The following FARS2 variants were observed in gnomAD, a reference collection of about 807,000 sequenced individuals.
The protein encoded by FARS2 is phenylalanyl-tRNA synthetase 2, mitochondrial, also known as phenylalanine--tRNA ligase, mitochondrial.
In FARS2, 40 loss-of-function variants were observed where a neutral mutation model predicts 46.4. That is an observed-to-expected ratio of 0.86 (90% CI 0.67 to 1.12). The LOEUF (loss-of-function observed/expected upper bound fraction) is 1.12. Ranked by LOEUF, FARS2 falls within the 50% of genes most tolerant of loss-of-function variation. FARS2 has a pLI of 0.00. For missense variants in FARS2, 513 were observed against 567.9 expected, an observed-to-expected ratio of 0.90 and a Z score of 0.98; for synonymous variants, 234 against 214.9, an observed-to-expected ratio of 1.09 and a Z score of -0.78.
intron 1 of FARS2, among the ~76,000 whole-genome samples, chr6:5,279,251 C>T (rs1766549494): frequency 6.6e-6 from 1 of 151,520 alleles, no homozygotes; most frequent in Non-Finnish European, 1.5e-5. Flanking sequence ...GTGGCATGAG[C>T]TTGTAGTCTC....
At chr6:5,502,524 AT>A (rs1487260530) in intron 4 of FARS2, among the ~76,000 whole-genome samples, 3 of 152,370 alleles carry the variant, frequency 2.0e-5, no homozygotes, top group African/African-American at 7.2e-5. Flanking sequence ...ACCTGTCAAT[AT>A]TTACCATTCA....
At chr6:5,446,861 C>A (rs946904060) in intron 4 of FARS2, among the ~76,000 whole-genome samples, 2 of 152,204 alleles carry the variant, frequency 1.3e-5, no homozygotes, top group Middle Eastern at 3.4e-3. Context: ...GTGTCATGAC[C>A]AGCTGTTGGC....
rs35240833 is a variant in FARS2 at position 5,337,188 on chromosome 6, GTA to G, written c.-21-31348_-21-31347del. Among the ~76,000 whole-genome samples, 77 of 148,330 alleles carry G rather than the reference GTA, an allele frequency of 5.2e-4. No individual in the cohort carries two copies. In the South Asian group the frequency reaches 9.5e-3, roughly 18 times the overall value. ...GTATGTGTAAATATATATGTAATAT[GTA>G]TATATATATATATGGAGAGTGAGAA... On this transcript the variant is annotated intron_variant, in intron 1 of 6. Transcript: ENST00000274680.
chr6:5,545,189 A>C lies in FARS2; in HGVS notation c.914A>C (p.Gln305Pro). 5.6e-6 allele frequency: 9 copies of C among 1,613,848 alleles called. No individual in the cohort carries two copies. Among genetic ancestry groups the C allele is most frequent in the Non-Finnish European group, 7.6e-6 (9 of 1,179,814 alleles). Residue 305 changes from glutamine (Q) to proline (P), a missense_variant, in exon 5 of 7, where the codon CAA (glutamine) becomes CCA (proline). Physicochemically the swap from Gln to Pro is moderately conservative, Grantham distance 76 (BLOSUM62 -1). Transcript: ENST00000274680. ...TGTTTCCTAATCACAGCTGGTGCTC[A>C]AGACCGAATCGGCTGGGCTTTTGGC... ...EQQLVNSAGA[Q>P]DRIGWAFGLG...
intron 5 of FARS2, among the ~76,000 whole-genome samples, chr6:5,563,753 A>G (rs1402177491): frequency 6.6e-6 from 1 of 152,142 alleles, no homozygotes; most frequent in African/African-American, 2.4e-5. Flanking sequence ...GAGTTATAGT[A>G]TGGAGTATAC....
chr6:5,469,473 T>G (rs1362683635), intron 4 of FARS2, among the ~76,000 whole-genome samples: 1 of 152,218 alleles, frequency 6.6e-6, no homozygotes, highest in Non-Finnish European at 1.5e-5. Context: ...AGAAAACTCC[T>G]TCTCCCACTG....
chr6:5,430,616 A>G (rs529780281), intron 3 of FARS2, among the ~76,000 whole-genome samples: 1 of 151,874 alleles, frequency 6.6e-6, no homozygotes, highest in Non-Finnish European at 1.5e-5. Context: ...TGATCAGTTT[A>G]TCTTGAATTG....
At chr6:5,710,384 C>T (rs1383567390) in intron 6 of FARS2, among the ~76,000 whole-genome samples, 1 of 152,200 alleles carries the variant, frequency 6.6e-6, no homozygotes, top group Non-Finnish European at 1.5e-5. Context: ...AGAAGTTCTA[C>T]TCAGGCCAAG....
Position 5,771,468 on chromosome 6 carries a change from C to T in FARS2, c.*39C>T. The stretch of plus-strand genomic sequence containing the variant: ...CTCAGGCTGCAGCCCTCTTGGGGCT[C>T]CAGGATTTGCTGAAAGAGAAAAAGA... On this transcript the variant is annotated 3_prime_UTR_variant, in exon 7 of 7. Transcript: ENST00000274680. 2 of 1,572,782 alleles carry T rather than the reference C, an allele frequency of 1.3e-6. No homozygotes were observed. Among genetic ancestry groups the T allele is most frequent in the South Asian group, 1.2e-5 (1 of 84,744 alleles).
intron 1 of FARS2, among the ~76,000 whole-genome samples, chr6:5,346,151 T>C (rs1275140585): frequency 6.6e-6 from 1 of 152,210 alleles, no homozygotes; most frequent in Non-Finnish European, 1.5e-5. Flanking sequence ...AGTCAAGATA[T>C]TAAACCAGCT....
intron 1 of FARS2, among the ~76,000 whole-genome samples, chr6:5,267,466 C>T (rs1765627139): frequency 6.6e-6 from 1 of 151,912 alleles, no homozygotes; most frequent in Non-Finnish European, 1.5e-5. Flanking sequence ...AAAGAACAGT[C>T]CAGGCCAGGC....
chr6:5,502,520 C>T (rs1357157164), intron 4 of FARS2, among the ~76,000 whole-genome samples: 1 of 152,120 alleles, frequency 6.6e-6, no homozygotes, highest in Non-Finnish European at 1.5e-5. Context: ...TGTAACCTGT[C>T]AATATTTACC....
intron 5 of FARS2, among the ~76,000 whole-genome samples, chr6:5,597,794 A>G (rs1321558309): frequency 1.3e-5 from 2 of 152,182 alleles, no homozygotes; most frequent in Non-Finnish European, 2.9e-5. Context: ...ATTTTTAAAA[A>G]CATACAAATG....
intron 1 of FARS2, among the ~76,000 whole-genome samples, chr6:5,324,443 CTTTTTT>C (rs745311767): frequency 1.1e-3 from 94 of 88,258 alleles, no homozygotes; most frequent in African/African-American, 3.8e-3. Context: ...AGACTATTTG[CTTTTTT>C]TTTTTTTTTT....
chr6:5,268,130 A>G (rs1260091036), intron 1 of FARS2, among the ~76,000 whole-genome samples: 2 of 152,054 alleles, frequency 1.3e-5, no homozygotes, highest in African/African-American at 4.8e-5. Flanking sequence ...ATAGATTGCA[A>G]AAATTTTCTC....
chr6:5,541,300 A>G (rs1367860178), intron 4 of FARS2, among the ~76,000 whole-genome samples: 4 of 152,190 alleles, frequency 2.6e-5, no homozygotes, highest in Non-Finnish European at 5.9e-5. Flanking sequence ...CGTGTCATTC[A>G]AGTGTAGTAT....
chr6:5,504,931 T>A (rs1403074046), intron 4 of FARS2, among the ~76,000 whole-genome samples: 1 of 152,150 alleles, frequency 6.6e-6, no homozygotes, highest in Non-Finnish European at 1.5e-5. Context: ...GTCTCCCAAG[T>A]AGCTGGGACC....
intron 6 of FARS2, among the ~76,000 whole-genome samples, chr6:5,690,210 A>T (rs902089399): frequency 1.8e-4 from 28 of 152,246 alleles, no homozygotes; most frequent in South Asian, 1.5e-3. Context: ...TAAGGTTAAT[A>T]TTGTTATGTG....
intron 1 of FARS2, among the ~76,000 whole-genome samples, chr6:5,302,960 G>A (rs187637350): frequency 6.6e-5 from 10 of 152,250 alleles, no homozygotes; most frequent in Admixed American, 5.9e-4. Context: ...AGTAAATATA[G>A]CAAACTTTTA....
Sources: gnomAD v4.1 joint callset for allele counts (sites outside exome capture counted in the v4.1 genomes callset) on GRCh38, gnomAD v4.1.1 for gene constraint, MANE v1.5 for transcripts, NCBI Gene and HGNC (gene_info 2026-07-23, HGNC 2026-07-21) for gene names.